CFDP1: variants seen among roughly 807,000 people sequenced by gnomAD.
CFDP1 encodes heterochromatin-stabilizing protein CFDP1.
In CFDP1, 31 loss-of-function variants were observed where a neutral mutation model predicts 40.1. The ratio of observed to expected loss-of-function variants is 0.77; its 90% CI spans 0.58 to 1.04. The LOEUF (loss-of-function observed/expected upper bound fraction) is 1.04, where lower values mean the gene tolerates loss of function less well. CFDP1 is among the 50% of genes least tolerant of loss of function. CFDP1 has a pLI of 0.00. For synonymous variants in CFDP1, 167 were observed against 120.0 expected, an observed-to-expected ratio of 1.39 and a Z score of -2.56; for missense variants, 423 against 343.4, an observed-to-expected ratio of 1.23 and a Z score of -1.83.
At chr16:75,368,980 A>G (rs752646628) in intron 5 of CFDP1, among the ~76,000 whole-genome samples, 34 of 152,198 alleles carry the variant, frequency 2.2e-4, no homozygotes, top group Non-Finnish European at 4.1e-4. Flanking sequence ...TAAGGATAAA[A>G]TGGAATAAAA....
intron 5 of CFDP1, among the ~76,000 whole-genome samples, chr16:75,363,736 G>A (rs1382889646): frequency 6.6e-6 from 1 of 152,118 alleles, no homozygotes; most frequent in Non-Finnish European, 1.5e-5. Flanking sequence ...GTTTGGTCAA[G>A]AACTGTCTTC....
chr16:75,375,511 G>C (rs184621179), intron 5 of CFDP1, among the ~76,000 whole-genome samples: 3 of 152,114 alleles, frequency 2.0e-5, no homozygotes, highest in African/African-American at 7.2e-5. Flanking sequence ...GACTGACAAG[G>C]CTGGGCGCGG....
chr16:75,350,355 G>A (rs1441690021), intron 5 of CFDP1, among the ~76,000 whole-genome samples: 2 of 152,140 alleles, frequency 1.3e-5, no homozygotes, highest in Non-Finnish European at 2.9e-5. Context: ...AACCAGCAAG[G>A]TATGAAGGTT....
intron 4 of CFDP1, among the ~76,000 whole-genome samples, chr16:75,403,907 G>C (rs188472675): frequency 2.0e-5 from 3 of 151,964 alleles, no homozygotes; most frequent in African/African-American, 4.8e-5. Flanking sequence ...CGAAGTGGGC[G>C]TATCATTTGA....
chr16:75,395,749 C>T (rs1185779466), intron 4 of CFDP1, among the ~76,000 whole-genome samples: 2 of 152,112 alleles, frequency 1.3e-5, no homozygotes, highest in African/African-American at 4.8e-5. Flanking sequence ...CCTATAACAA[C>T]CCAAAGATGA....
rs190270787 is a variant in CFDP1 at position 75,318,594 on chromosome 16, C to T, written c.651-13412G>A. Among the ~76,000 whole-genome samples the T allele has an allele frequency of 1.6e-3, 239 of 151,928 alleles. 2 individuals carry two copies. The highest frequency in any genetic ancestry group is 1.6e-3 in the Non-Finnish European group (109 of 67,912). ...CTAATTTTTGTATTTTTAGTAGAGA[C>T]TGGGTTTCACCGTGTTAGCCAGGAT... On this transcript the variant is annotated intron_variant, in intron 5 of 6. Transcript: ENST00000283882.
intron 5 of CFDP1, among the ~76,000 whole-genome samples, chr16:75,378,860 T>C (rs1484323497): frequency 6.6e-6 from 1 of 152,088 alleles, no homozygotes; most frequent in Non-Finnish European, 1.5e-5. Context: ...ATAAAATTAA[T>C]ATCAACAAAT....
At chr16:75,332,394 G>A (rs2078452562) in intron 5 of CFDP1, among the ~76,000 whole-genome samples, 3 of 152,138 alleles carry the variant, frequency 2.0e-5, no homozygotes, top group Non-Finnish European at 4.4e-5. Flanking sequence ...GAGCCTGAGA[G>A]GTGGAAGTTG....
In CFDP1 at chr16:75,356,894, A is replaced by G. The variant is rs961634540; in HGVS notation, c.650+38196T>C. ...TTCATCTTGTACTTCCATGTTATGGAAACAGCTGCTTTCTTTCTTTTTTTT... is the reference window on the plus strand; with the variant it reads ...TTCATCTTGTACTTCCATGTTATGGGAACAGCTGCTTTCTTTCTTTTTTTT... On this transcript the variant is annotated intron_variant, in intron 5 of 6. Coordinates refer to ENST00000283882, the MANE Select transcript of CFDP1 (RefSeq NM_006324.3). Among the ~76,000 whole-genome samples the G allele has an allele frequency of 2.7e-5, 4 of 148,388 alleles. No homozygotes were observed. In the East Asian group the frequency reaches 5.9e-4, roughly 22 times the overall value.
chr16:75,367,450 T>C (rs1432717633), intron 5 of CFDP1, among the ~76,000 whole-genome samples: 1 of 123,290 alleles, frequency 8.1e-6, no homozygotes, highest in African/African-American at 2.8e-5. Context: ...AAAAAAAAAA[T>C]TGCTAGGGAT....
At chr16:75,357,903 T>G (rs1268585605) in intron 5 of CFDP1, among the ~76,000 whole-genome samples, 2 of 152,216 alleles carry the variant, frequency 1.3e-5, no homozygotes, top group Non-Finnish European at 2.9e-5. Context: ...ACATCTTTTC[T>G]TACTAACCTT....
chr16:75,404,074 G>A (rs776202547), intron 4 of CFDP1, among the ~76,000 whole-genome samples: 2 of 151,568 alleles, frequency 1.3e-5, no homozygotes, highest in African/African-American at 4.8e-5. Flanking sequence ...GGAGGTTGCA[G>A]TGAGCTGAGA....
chr16:75,319,720 G>A (rs1364735153), intron 5 of CFDP1, among the ~76,000 whole-genome samples: 1 of 152,122 alleles, frequency 6.6e-6, no homozygotes, highest in Non-Finnish European at 1.5e-5. Context: ...TCCTCACAAA[G>A]CTGGGATATG....
intron 5 of CFDP1, among the ~76,000 whole-genome samples, chr16:75,364,120 A>C (rs958537831): frequency 2.0e-5 from 3 of 152,118 alleles, no homozygotes; most frequent in Non-Finnish European, 1.5e-5. Context: ...GTGAAATTAA[A>C]AAAACAAAAC....
At position 75,414,585 on chromosome 16, in the gene CFDP1, G is replaced by T; in HGVS notation, c.175C>A (p.Pro59Thr). 6.2e-7 allele frequency: 1 copy of T among 1,606,590 alleles called. No individual in the cohort carries two copies. The highest frequency in any genetic ancestry group is 1.1e-5 in the South Asian group (1 of 90,906). ...CCTTGAAGGCAGCATCACCTGGCTG[G>T]AATGCTCTGGGCCTTTCTTTTTTTC... ...QGKKRKAQSI[P>T]ARKRRQGGLS... The change falls in exon 2 of 7, where the codon CCA (proline) becomes ACA (threonine). Residue 59 changes from proline to threonine, a missense_variant. Physicochemically the swap from Pro to Thr is conservative, Grantham distance 38. Transcript: ENST00000283882.
At position 75,374,857 on chromosome 16, in the gene CFDP1, GTATT is replaced by G. The variant is rs147464158; in HGVS notation, c.650+20229_650+20232del. Among the ~76,000 whole-genome samples the G allele has an allele frequency of 1.4e-3, 213 of 152,186 alleles. 6 individuals are homozygous for G. The East Asian group carries it at 0.038, about 27-fold the overall frequency. ...TTACTAATTCTTCAAAATTTAGTGT[GTATT>G]TATACCTATAGCACATCTCAATTCA... On this transcript the variant is annotated intron_variant, in intron 5 of 6. Coordinates refer to ENST00000283882, the MANE Select transcript of CFDP1 (RefSeq NM_006324.3).
intron 1 of CFDP1, among the ~76,000 whole-genome samples, chr16:75,427,584 A>C (rs577573258): frequency 6.6e-6 from 1 of 152,266 alleles, no homozygotes; most frequent in South Asian, 2.1e-4. Context: ...AAAAACAAAA[A>C]CAAAAAAATC....
Position 75,303,899 on chromosome 16 carries a change from G to A in CFDP1, c.809+1125C>T, listed in dbSNP as rs144130994. ...CTTACTGGTAAGAAGCAGAGCTGCC[G>A]AGCAGCCAGGGCTCTCTGGTGGGAC... On this transcript the variant is annotated intron_variant, in intron 6 of 6. Transcript: ENST00000283882. 1.2e-4 allele frequency among the ~76,000 whole-genome samples: 19 copies of A among 152,278 alleles called. 1 individual carries two copies. The highest frequency in any genetic ancestry group is 1.0e-3 in the Admixed American group (16 of 15,296).
intron 4 of CFDP1, among the ~76,000 whole-genome samples, chr16:75,405,432 G>A (rs2079089347): frequency 6.6e-6 from 1 of 151,370 alleles, no homozygotes; most frequent in African/African-American, 2.4e-5. Context: ...TTGACACCAG[G>A]CTGGATAAAC....
Sources: gnomAD v4.1 joint callset for allele counts (sites outside exome capture counted in the v4.1 genomes callset) on GRCh38, gnomAD v4.1.1 for gene constraint, MANE v1.5 for transcripts, NCBI Gene and HGNC (gene_info 2026-07-23, HGNC 2026-07-21) for gene names.